SMCO2: variants seen among roughly 807,000 people sequenced by gnomAD.
The protein encoded by SMCO2 is single-pass membrane and coiled-coil domain-containing protein 2.
In SMCO2, 25 loss-of-function variants were observed where a neutral mutation model predicts 29.5. The ratio of observed to expected loss-of-function variants is 0.85; its 90% CI spans 0.62 to 1.18. SMCO2 has a LOEUF of 1.18. Among genes scored for constraint, SMCO2 ranks in the 50% most tolerant of loss-of-function variants. The pLI, the probability that SMCO2 is intolerant of heterozygous loss-of-function variation, is 0.00. For synonymous variants in SMCO2, 117 were observed against 123.3 expected (o/e 0.95, Z 0.34); for missense variants, 348 against 344.5 (o/e 1.01, Z -0.08).
the SMCO2 span, among the ~76,000 whole-genome samples, chr12:27,447,239 C>A: frequency 2.6e-5 from 4 of 152,110 alleles, no homozygotes; most frequent in African/African-American, 4.8e-5. Flanking sequence ...GCTACCTCAC[C>A]ACCTCATGCC....
At chr12:27,482,048 A>C (rs917508833) in intron 4 of SMCO2, among the ~76,000 whole-genome samples, 1 of 148,422 alleles carries the variant, frequency 6.7e-6, no homozygotes, top group African/African-American at 2.5e-5. Context: ...TGCTGACTTT[A>C]GGCTTATGTT....
Position 27,501,999 on chromosome 12 carries a change from G to A in SMCO2, c.760G>A (p.Gly254Ser). Residue 254 changes from glycine (G) to serine (S), a missense_variant, in exon 8 of 8, where the codon GGT (glycine) becomes AGT (serine). Physicochemically the swap from Gly to Ser is moderately conservative, Grantham distance 56. Coordinates refer to ENST00000298876, the Ensembl canonical transcript of SMCO2. The stretch of plus-strand genomic sequence containing the variant: ...ACTTTTATGTTACATACTATTTTTT[G>A]GTGCTACATTTCTCTTTGAAAGGGT... The A allele has an allele frequency of 1.3e-6, 2 of 1,547,570 alleles. 1 individual carries two copies. Among genetic ancestry groups the A allele is most frequent in the Non-Finnish European group, 1.7e-6 (2 of 1,145,762 alleles).
At chr12:27,482,848 T>G (rs139935064) in intron 4 of SMCO2, among the ~76,000 whole-genome samples, 1,852 of 152,294 alleles carry the variant, frequency 0.012, 13 homozygotes, top group South Asian at 0.03. Context: ...CACCTCTGTT[T>G]CCCTAGTAGT....
chr12:27,457,760 A>G, the SMCO2 span, among the ~76,000 whole-genome samples: 1 of 152,266 alleles, frequency 6.6e-6, no homozygotes, highest in African/African-American at 2.4e-5. Flanking sequence ...CACTGAGAGT[A>G]CAGGTGAAGT....
At chr12:27,438,355 C>T in the SMCO2 span, among the ~76,000 whole-genome samples, 5 of 152,180 alleles carry the variant, frequency 3.3e-5, no homozygotes, top group Admixed American at 6.5e-5. Flanking sequence ...ACTCTCAAAC[C>T]TATGATTCCA....
At chr12:27,436,501 G>T in the SMCO2 span, among the ~76,000 whole-genome samples, 1 of 152,100 alleles carries the variant, frequency 6.6e-6, no homozygotes, top group African/African-American at 2.4e-5. Flanking sequence ...CACAGGATGG[G>T]TCTAGCAGAA....
At chr12:27,440,648 G>T in the SMCO2 span, among the ~76,000 whole-genome samples, 11 of 122,364 alleles carry the variant, frequency 9.0e-5, no homozygotes, top group East Asian at 4.8e-4. Context: ...TTTTCTGTGG[G>T]TTTTTTTTTT....
chr12:27,451,332 A>G, the SMCO2 span, among the ~76,000 whole-genome samples: 16 of 151,774 alleles, frequency 1.1e-4, no homozygotes, highest in South Asian at 2.9e-3. Context: ...GGAGAGGGGG[A>G]CCCTGGGCTG....
intron 4 of SMCO2, among the ~76,000 whole-genome samples, chr12:27,479,228 A>T (rs1160805640): frequency 5.3e-5 from 8 of 151,908 alleles, no homozygotes. Context: ...TGGTTGGCTG[A>T]TATCTGGGCC....
chr12:27,437,698 C>A, the SMCO2 span, among the ~76,000 whole-genome samples: 1 of 152,098 alleles, frequency 6.6e-6, no homozygotes. Flanking sequence ...ACAGAGCTCT[C>A]CTGCCATAAA....
At position 27,474,767 on chromosome 12, in the gene SMCO2, C is replaced by T; in HGVS notation, c.235-19C>T. 6.4e-7 allele frequency: 1 copy of T among 1,551,200 alleles called. No homozygotes were observed. The highest frequency in any genetic ancestry group is 1.7e-4 in the Middle Eastern group (1 of 5,988). On this transcript the variant is annotated intron_variant, in intron 3 of 7. Coordinates refer to ENST00000298876, the Ensembl canonical transcript of SMCO2. ...ACTAACCTTTTGTTCTGCTTTGCTTCCATCATCATCTTTACCAGGGTATGT... is the reference window on the plus strand; with the variant it reads ...ACTAACCTTTTGTTCTGCTTTGCTTTCATCATCATCTTTACCAGGGTATGT...
chr12:27,423,654 G>C, the SMCO2 span: 1 of 152,120 alleles, frequency 6.6e-6, no homozygotes, highest in East Asian at 1.9e-4. Context: ...TTAACCCTAA[G>C]AATTACCACT....
chr12:27,433,669 C>T, the SMCO2 span, among the ~76,000 whole-genome samples: 3 of 152,160 alleles, frequency 2.0e-5, no homozygotes, highest in South Asian at 6.2e-4. Context: ...AAAACTAAGC[C>T]ACAAAAGGAA....
chr12:27,459,246 G>T, the SMCO2 span, among the ~76,000 whole-genome samples: 3 of 151,890 alleles, frequency 2.0e-5, no homozygotes, highest in South Asian at 6.3e-4. Flanking sequence ...AGAAAATGTG[G>T]TGTATATGTA....
chr12:27,443,784 C>T, the SMCO2 span, among the ~76,000 whole-genome samples: 2 of 151,998 alleles, frequency 1.3e-5, no homozygotes, highest in Admixed American at 6.6e-5. Context: ...AAGATCTATA[C>T]AAGGAAAACA....
intron 3 of SMCO2, 104 bp downstream of exon 3, chr12:27,472,979 G>A (rs1242915771): frequency 5.9e-6 from 5 of 845,118 alleles, no homozygotes; most frequent in South Asian, 1.7e-5. Context: ...ATATCTGAGG[G>A]TTTTCTTCTA....
chr12:27,471,048 C>T (rs1435809175), intron 2 of SMCO2, among the ~76,000 whole-genome samples: 1 of 152,062 alleles, frequency 6.6e-6, no homozygotes, highest in East Asian at 1.9e-4. Context: ...ATTATCTTCA[C>T]TTGCTGAAGA....
exon 4 of SMCO2, chr12:27,474,877 C>T (rs1191815164): frequency 6.4e-7 from 1 of 1,551,452 alleles, no homozygotes; most frequent in East Asian, 2.4e-5. Context: ...CAAGCGTCTA[C>T]ATCTCTGCAG....
At chr12:27,481,623 G>A (rs1949644270) in intron 4 of SMCO2, among the ~76,000 whole-genome samples, 1 of 152,004 alleles carries the variant, frequency 6.6e-6, no homozygotes, top group Non-Finnish European at 1.5e-5. Context: ...TTGTGGTAAG[G>A]TTTTTAATTA....
Sources: allele counts gnomAD v4.1 joint callset (sites outside exome capture counted in the v4.1 genomes callset), GRCh38; gene constraint gnomAD v4.1.1; transcripts MANE v1.5; gene names NCBI Gene and HGNC (gene_info 2026-07-23, HGNC 2026-07-21).